C3orf20: variants seen among roughly 807,000 people sequenced by gnomAD.
The protein encoded by C3orf20 is uncharacterized protein C3orf20.
Under a neutral mutation model 88.3 loss-of-function variants are expected in C3orf20, and 76 were observed. That is an observed-to-expected ratio of 0.86 (90% CI 0.72 to 1.04). The LOEUF (loss-of-function observed/expected upper bound fraction) is 1.04. C3orf20 is among the 50% of genes least tolerant of loss of function. The pLI is 0.00. For synonymous variants in C3orf20, 436 were observed against 437.4 expected (o/e 1.00, Z 0.04); for missense variants, 1,056 against 1,123.3 (o/e 0.94, Z 0.86).
At chr3:14,715,514 C>A in intron 9 of C3orf20, 105 bp downstream of exon 9, 1 of 1,376,876 alleles carries the variant, frequency 7.3e-7, no homozygotes, top group South Asian at 1.9e-5. Context: ...CAGGGCTACC[C>A]GTAAGACAGG....
chr3:14,718,960 C>G (rs1187189068), intron 9 of C3orf20, among the ~76,000 whole-genome samples: 1 of 152,154 alleles, frequency 6.6e-6, no homozygotes, highest in African/African-American at 2.4e-5. Flanking sequence ...AGGTTCCATC[C>G]TCTGGGTTCT....
chr3:14,721,907 T>C, intron 10 of C3orf20, 123 bp downstream of exon 10: 1 of 1,265,198 alleles, frequency 7.9e-7, no homozygotes, highest in Non-Finnish European at 1.1e-6. Context: ...GCCCTGCCTT[T>C]TCCTCTGCCA....
chr3:14,703,139 G>C lies in C3orf20; in HGVS notation c.755G>C (p.Arg252Thr). The C allele has an allele frequency of 6.2e-7, 1 of 1,614,166 alleles. No homozygotes were observed. ...KEAKKKIGKS[R>T]TTEDVSMPPL... ...TGCCCTCCAACTACAGGCAAATCTAGAACTACAGAAGATGTCAGCATGCCG... is the reference window on the plus strand; with the variant it reads ...TGCCCTCCAACTACAGGCAAATCTACAACTACAGAAGATGTCAGCATGCCG... Residue 252 changes from arginine (R) to threonine (T), a missense_variant, in exon 6 of 17, where the codon AGA becomes ACA. Coordinates refer to ENST00000253697, the MANE Select transcript of C3orf20 (RefSeq NM_032137.5).
intron 10 of C3orf20, 97 bp downstream of exon 10, chr3:14,721,881 C>A: frequency 6.7e-7 from 1 of 1,486,964 alleles, no homozygotes; most frequent in South Asian, 1.3e-5. Flanking sequence ...TACTCCCCAC[C>A]ACCCTTCCAT....
In C3orf20 at chr3:14,728,207, G is replaced by A. The variant is rs754905150; in HGVS notation, c.1691-232G>A. 7.2e-5 allele frequency among the ~76,000 whole-genome samples: 11 copies of A among 152,170 alleles called. 1 individual carries two copies. Among genetic ancestry groups the A allele is most frequent in the Admixed American group, 2.6e-4 (4 of 15,270 alleles). On this transcript the variant is annotated intron_variant, in intron 11 of 16. Transcript: ENST00000253697. ...CCTAGGTGTCTTGAAGAATGAGTAC[G>A]AAAGGAGACCTATTCATTCTTACAA...
chr3:14,699,263 C>G (rs925528796), intron 5 of C3orf20, among the ~76,000 whole-genome samples: 1 of 152,232 alleles, frequency 6.6e-6, no homozygotes, highest in Non-Finnish European at 1.5e-5. Flanking sequence ...TGAGCTAGTA[C>G]ATAAGGTGCA....
intron 15 of C3orf20, among the ~76,000 whole-genome samples, chr3:14,762,168 C>T (rs1256507724): frequency 2.0e-5 from 3 of 152,160 alleles, no homozygotes; most frequent in Non-Finnish European, 4.4e-5. Flanking sequence ...AATGGCTGGG[C>T]TCAAGTGATC....
At chr3:14,737,450 G>C (rs1421666250) in intron 12 of C3orf20, among the ~76,000 whole-genome samples, 1 of 152,176 alleles carries the variant, frequency 6.6e-6, no homozygotes, top group Non-Finnish European at 1.5e-5. Flanking sequence ...ACATATAAAA[G>C]CTATGTTTAC....
At position 14,704,420 on chromosome 3, in the gene C3orf20, A is replaced by T. The variant is rs765237727; in HGVS notation, c.962A>T (p.His321Leu). The change falls in exon 7 of 17, where the codon CAT becomes CTT. Residue 321 changes from histidine to leucine, a missense_variant. His to Leu is a moderately conservative substitution (Grantham distance 99). Transcript: ENST00000253697. ...AACTACAAGGCAAAGATGCCCTCTC[A>T]TCTAATGTTGGCCCGCAAAGGAGAC... The part of the protein sequence containing the change: ...LRNYKAKMPS[H>L]LMLARKGDSQ... The T allele has an allele frequency of 1.2e-6, 2 of 1,614,134 alleles. No individual in the cohort carries two copies. The highest frequency in any genetic ancestry group is 2.2e-5 in the South Asian group (2 of 91,070).
intron 12 of C3orf20, among the ~76,000 whole-genome samples, chr3:14,731,242 A>G (rs751492411): frequency 6.6e-6 from 1 of 152,222 alleles, no homozygotes; most frequent in Non-Finnish European, 1.5e-5. Context: ...TCTACTGTAT[A>G]CAGCCTTTCG....
At chr3:14,691,606 A>T (rs1487392160) in intron 5 of C3orf20, among the ~76,000 whole-genome samples, 1 of 152,202 alleles carries the variant, frequency 6.6e-6, no homozygotes, top group African/African-American at 2.4e-5. Context: ...GAGGGACCAC[A>T]TTCATATAAC....
chr3:14,726,133 G>A (rs995917169), intron 10 of C3orf20, among the ~76,000 whole-genome samples: 2 of 152,262 alleles, frequency 1.3e-5, no homozygotes, highest in Admixed American at 1.3e-4. Flanking sequence ...GAGTTTACTG[G>A]AGACTGCTCT....
At chr3:14,730,832 C>T (rs1484206715) in intron 12 of C3orf20, among the ~76,000 whole-genome samples, 1 of 151,978 alleles carries the variant, frequency 6.6e-6, no homozygotes, top group Non-Finnish European at 1.5e-5. Flanking sequence ...CATTTTAATA[C>T]AGCCATTCTG....
At chr3:14,699,867 A>T (rs2033174777) in intron 5 of C3orf20, among the ~76,000 whole-genome samples, 1 of 152,136 alleles carries the variant, frequency 6.6e-6, no homozygotes, top group East Asian at 1.9e-4. Context: ...GCTGCCTTTC[A>T]AGTTTATTTA....
At chr3:14,770,971 G>A (rs992956213) in intron 15 of C3orf20, among the ~76,000 whole-genome samples, 2 of 152,222 alleles carry the variant, frequency 1.3e-5, no homozygotes, top group Admixed American at 1.3e-4. Flanking sequence ...GAATAGCCAC[G>A]TTTGTGTTGG....
intron 12 of C3orf20, among the ~76,000 whole-genome samples, chr3:14,746,210 T>TG (rs1262463615): frequency 6.6e-6 from 1 of 152,142 alleles, no homozygotes; most frequent in African/African-American, 2.4e-5. Context: ...CAAGGAAAGT[T>TG]GGGGGTTTTA....
intron 5 of C3orf20, 105 bp downstream of exon 5, chr3:14,690,221 C>G: frequency 6.7e-7 from 1 of 1,493,180 alleles, no homozygotes; most frequent in Non-Finnish European, 9.1e-7. Flanking sequence ...TTGATTTGGT[C>G]TTCTGATTAG....
At chr3:14,699,498 T>G (rs979436102) in intron 5 of C3orf20, among the ~76,000 whole-genome samples, 1 of 152,228 alleles carries the variant, frequency 6.6e-6, no homozygotes, top group Admixed American at 6.5e-5. Context: ...GGTCCTTCCC[T>G]TCAAGGCAGT....
chr3:14,752,333 G>A (rs372845292), intron 12 of C3orf20, among the ~76,000 whole-genome samples: 122 of 152,120 alleles, frequency 8.0e-4, no homozygotes, highest in African/African-American at 2.6e-3. Flanking sequence ...AAATTAACTC[G>A]AGATGGATTA....
Sources: allele counts gnomAD v4.1 joint callset (sites outside exome capture counted in the v4.1 genomes callset), GRCh38; gene constraint gnomAD v4.1.1; transcripts MANE v1.5; gene names NCBI Gene and HGNC (gene_info 2026-07-23, HGNC 2026-07-21).